The following DMBT1 variants were observed in gnomAD, a reference collection of about 807,000 sequenced individuals.
DMBT1 encodes the protein scavenger receptor cysteine-rich domain-containing protein DMBT1.
In DMBT1, 198 loss-of-function variants were observed where a neutral mutation model predicts 252.9. The ratio of observed to expected loss-of-function variants is 0.78; its 90% CI spans 0.70 to 0.88. DMBT1 has a LOEUF of 0.88. Among genes scored for constraint, DMBT1 ranks in the 40% least tolerant of loss-of-function variants. DMBT1 has a pLI of 0.00. For missense variants in DMBT1, 2,432 were observed against 2,404.7 expected (o/e 1.01, Z -0.24); for synonymous variants, 990 against 942.7 (o/e 1.05, Z -0.92).
intron 27 of DMBT1, among the ~76,000 whole-genome samples, 164 bp downstream of exon 27, chr10:122,600,257 T>A (rs1160727978): frequency 6.7e-6 from 1 of 150,208 alleles, no homozygotes; most frequent in Non-Finnish European, 1.5e-5. Context: ...CAGCGCTTTT[T>A]AAACACACAC....
At chr10:122,621,466 C>T in intron 44 of DMBT1, 86 bp downstream of exon 44, 4 of 1,585,060 alleles carry the variant, frequency 2.5e-6, no homozygotes, top group Non-Finnish European at 1.7e-6. Flanking sequence ...TCTCCTCACT[C>T]AAAGCTTCTC....
Position 122,600,992 on chromosome 10 carries a change from C to T in DMBT1, c.3312C>T (p.Asp1104=), listed in dbSNP as rs200481134. 2,064 of 936,990 alleles carry T rather than the reference C, an allele frequency of 2.2e-3. 38 individuals are homozygous for T. In the African/African-American group the frequency reaches 0.034, roughly 15 times the overall value. 58.0% of individuals were successfully genotyped at this position (936,990 alleles called of 1,614,324 possible). A position where few individuals can be genotyped will look rare whatever the true frequency, so the allele number is the denominator to read the frequency against. The part of the protein sequence containing the change: ...ASQSRPTPSP[D]TWPTSHASTA... ...CTTTTCCTTTGTTGCAATTTACAGACACTTGGCCAACCTCACATGCATCAA... is the reference window on the plus strand; with the variant it reads ...CTTTTCCTTTGTTGCAATTTACAGATACTTGGCCAACCTCACATGCATCAA... The change falls in exon 28 of 56, where the codon GAC becomes GAT. Residue 1104 remains aspartate, a splice_region_variant and synonymous_variant. Transcript: ENST00000338354.
At chr10:122,587,174 A>G (rs1359756940) in intron 16 of DMBT1, among the ~76,000 whole-genome samples, 2 of 148,158 alleles carry the variant, frequency 1.3e-5, no homozygotes, top group Non-Finnish European at 3.0e-5. Flanking sequence ...CCTTTCCCCT[A>G]CTGAAAGGTT....
intron 43 of DMBT1, among the ~76,000 whole-genome samples, chr10:122,620,742 C>T (rs1336871320): frequency 2.0e-5 from 3 of 152,222 alleles, no homozygotes; most frequent in African/African-American, 7.2e-5. Context: ...AGGTCTTGGC[C>T]TCCTATCTGG....
chr10:122,580,802 C>T (rs1292280361), intron 10 of DMBT1, 64 bp from the exon 11 acceptor site: 14 of 1,593,276 alleles, frequency 8.8e-6, no homozygotes, highest in Middle Eastern at 1.7e-4. Context: ...TTTCCCTCCT[C>T]GTTCCAGTTT....
At chr10:122,597,664 A>G (rs578251312) in intron 24 of DMBT1, among the ~76,000 whole-genome samples, 1 of 152,156 alleles carries the variant, frequency 6.6e-6, no homozygotes, top group African/African-American at 2.4e-5. Context: ...TCGAGCTAGT[A>G]GAGTGTCAGC....
chr10:122,590,566 G>A (rs1352620986), intron 17 of DMBT1, 99 bp from the exon 18 acceptor site: 2 of 1,388,310 alleles, frequency 1.4e-6, no homozygotes, highest in Non-Finnish European at 2.0e-6. Flanking sequence ...GGGGACATAG[G>A]GTGGACTGAA....
intron 2 of DMBT1, among the ~76,000 whole-genome samples, chr10:122,569,069 T>G (rs1052009412): frequency 2.0e-5 from 3 of 152,180 alleles, no homozygotes; most frequent in African/African-American, 4.8e-5. Flanking sequence ...GCCCTTTTCA[T>G]AGACAATGAA....
intron 24 of DMBT1, among the ~76,000 whole-genome samples, chr10:122,597,303 T>A (rs1461025498): frequency 6.6e-6 from 1 of 152,200 alleles, no homozygotes; most frequent in Non-Finnish European, 1.5e-5. Flanking sequence ...GGCCAACCCT[T>A]AGAGGTTTAG....
rs1688292557 is a variant in DMBT1, at chr10:122,636,304, C to T, written c.6757+105C>T. ...GAAATAAGAAATGAAGGAACCCTTT[C>T]AGGTCACCAGGGCTTGATTTTCAGC... On this transcript the variant is annotated intron_variant, in intron 53 of 55. Coordinates refer to ENST00000338354, the MANE Select transcript of DMBT1 (RefSeq NM_001377530.1). 3.8e-6 allele frequency: 4 copies of T among 1,052,040 alleles called. No homozygotes were observed. In the East Asian group the frequency reaches 1.0e-4, roughly 27 times the overall value. The allele number at this position is 1,052,040 out of a possible 1,614,324, so 65.2% of individuals were successfully genotyped here. A position where few individuals can be genotyped will look rare whatever the true frequency, so the allele number is the denominator to read the frequency against.
intron 55 of DMBT1, among the ~76,000 whole-genome samples, chr10:122,642,892 T>C (rs2742224): frequency 0.51 from 77,742 of 151,522 alleles, 22,389 homozygotes; most frequent in African/African-American, 0.79. Context: ...TCGGGAAAGC[T>C]CTCACAGGCT....
At chr10:122,561,420 T>C (rs938348534) in intron 1 of DMBT1, among the ~76,000 whole-genome samples, 1 of 143,008 alleles carries the variant, frequency 7.0e-6, no homozygotes, top group Non-Finnish European at 1.6e-5. Context: ...CAAGCATAGC[T>C]GTATGTTCTT....
chr10:122,572,247 A>T, intron 4 of DMBT1, 67 bp from the exon 5 acceptor site: 2 of 1,596,166 alleles, frequency 1.3e-6, no homozygotes, highest in Non-Finnish European at 1.7e-6. Context: ...GACCTGAGGA[A>T]GCCATGGACC....
At position 122,584,617 on chromosome 10, in the gene DMBT1, G is replaced by A. The variant is rs563141859; in HGVS notation, c.1420+266G>A. On this transcript the variant is annotated intron_variant, in intron 14 of 55. Transcript: ENST00000338354. ...CCAACCCTTAGAGGTTTAGGAAGTG[G>A]CCTCATATTTAAATAGCTTTGACCC... Among the ~76,000 whole-genome samples, 54 of 148,870 alleles carry A rather than the reference G, an allele frequency of 3.6e-4. 1 individual carries two copies. The highest frequency in any genetic ancestry group is 5.3e-4 in the Admixed American group (8 of 15,036).
intron 55 of DMBT1, among the ~76,000 whole-genome samples, 197 bp downstream of exon 55, chr10:122,640,646 C>A (rs747056986): frequency 1.3e-5 from 2 of 152,198 alleles, no homozygotes; most frequent in Admixed American, 6.5e-5. Flanking sequence ...TTCTGTATCA[C>A]ATCCCTGATT....
intron 2 of DMBT1, among the ~76,000 whole-genome samples, chr10:122,567,881 G>A (rs895592192): frequency 6.6e-6 from 1 of 152,176 alleles, no homozygotes; most frequent in African/African-American, 2.4e-5. Flanking sequence ...TTTGAGCAAG[G>A]AATTGAATTG....
intron 46 of DMBT1, among the ~76,000 whole-genome samples, chr10:122,626,235 AAT>A (rs2133655608): frequency 1.3e-5 from 2 of 152,328 alleles, no homozygotes; most frequent in South Asian, 4.1e-4. Context: ...TTTTACTACA[AAT>A]TATGCTTTTC....
At chr10:122,599,932 A>C in intron 26 of DMBT1, 132 bp from the exon 27 acceptor site, 1 of 1,330,830 alleles carries the variant, frequency 7.5e-7, no homozygotes, top group Non-Finnish European at 1.1e-6. Context: ...TGTGCATGGC[A>C]ATGCCCCTCC....
At chr10:122,639,205 C>T (rs1173307292) in intron 54 of DMBT1, among the ~76,000 whole-genome samples, 1 of 152,228 alleles carries the variant, frequency 6.6e-6, no homozygotes, top group Non-Finnish European at 1.5e-5. Flanking sequence ...TCGTAGGCAC[C>T]ACAGGCAAAT....
Sources: gnomAD v4.1 joint callset for allele counts (sites outside exome capture counted in the v4.1 genomes callset) on GRCh38, gnomAD v4.1.1 for gene constraint, MANE v1.5 for transcripts, NCBI Gene and HGNC (gene_info 2026-07-23, HGNC 2026-07-21) for gene names.